Variants in SPEF2 observed in about 807,000 individuals in gnomAD.
The protein encoded by SPEF2 is sperm flagella and cilia-associated protein 2.
A neutral mutation model predicts 224.6 loss-of-function variants in SPEF2; 187 were observed. That is an observed-to-expected ratio of 0.83 (90% CI 0.74 to 0.94). The LOEUF (loss-of-function observed/expected upper bound fraction) is 0.94, where lower values mean the gene tolerates loss of function less well. Ranked by LOEUF, SPEF2 falls within the 40% of genes least tolerant of loss-of-function variation. The pLI, the probability that SPEF2 is intolerant of heterozygous loss-of-function variation, is 0.00. For synonymous variants in SPEF2, 715 were observed against 707.3 expected (o/e 1.01, Z -0.17); for missense variants, 2,170 against 2,135.6 (o/e 1.02, Z -0.32).
At chr5:35,737,806 T>G (rs1197650170) in intron 21 of SPEF2, among the ~76,000 whole-genome samples, 2 of 152,182 alleles carry the variant, frequency 1.3e-5, no homozygotes, top group African/African-American at 4.8e-5. Flanking sequence ...TCCACAATGG[T>G]TGAACTAGTT....
At chr5:35,672,133 C>T (rs1423877179) in intron 10 of SPEF2, among the ~76,000 whole-genome samples, 2 of 150,828 alleles carry the variant, frequency 1.3e-5, no homozygotes, top group South Asian at 4.3e-4. Flanking sequence ...CCTGGCTTAT[C>T]TAAAAGAAAC....
intron 30 of SPEF2, chr5:35,789,582 A>G (rs1461115825): frequency 1.5e-6 from 1 of 646,292 alleles, no homozygotes; most frequent in South Asian, 1.8e-5. Context: ...TTCTGCTGTG[A>G]GAAACATTGT....
intron 10 of SPEF2, among the ~76,000 whole-genome samples, chr5:35,681,223 C>G (rs1189434803): frequency 6.6e-6 from 1 of 152,072 alleles, no homozygotes; most frequent in Non-Finnish European, 1.5e-5. Context: ...TTAAGAACAG[C>G]AATTGTACAA....
At chr5:35,653,946 CAAAAA>C (rs67527515) in intron 6 of SPEF2, among the ~76,000 whole-genome samples, 3 of 87,986 alleles carry the variant, frequency 3.4e-5, no homozygotes, top group East Asian at 3.2e-4. Flanking sequence ...GACTCTGTCT[CAAAAA>C]AAAAAAAAAA....
intron 34 of SPEF2, among the ~76,000 whole-genome samples, chr5:35,802,215 G>T (rs576110813): frequency 6.6e-6 from 1 of 152,210 alleles, no homozygotes; most frequent in South Asian, 2.1e-4. Context: ...TCATCTCAAA[G>T]GATCCGAGGC....
At chr5:35,651,864 A>G (rs1748229563) in intron 6 of SPEF2, among the ~76,000 whole-genome samples, 2 of 152,192 alleles carry the variant, frequency 1.3e-5, no homozygotes, top group Non-Finnish European at 2.9e-5. Flanking sequence ...GCAATGCAAG[A>G]GCCCTCATGG....
At chr5:35,667,010 G>T in intron 8 of SPEF2, 62 bp from the exon 9 acceptor site, 1 of 1,453,274 alleles carries the variant, frequency 6.9e-7, no homozygotes, top group Non-Finnish European at 9.2e-7. Context: ...CCATTGAAAT[G>T]ATGACATTAT....
At chr5:35,699,009 A>C (rs1755741306) in intron 15 of SPEF2, 1 of 152,184 alleles carries the variant, frequency 6.6e-6, no homozygotes, top group African/African-American at 2.4e-5. Flanking sequence ...AACCAAAATG[A>C]AGTCTTTTCC....
chr5:35,693,882 A>G (rs2149539965), intron 12 of SPEF2, among the ~76,000 whole-genome samples: 1 of 152,358 alleles, frequency 6.6e-6, no homozygotes, highest in Non-Finnish European at 1.5e-5. Flanking sequence ...ATTTTAATCA[A>G]TAAAGTAATA....
intron 15 of SPEF2, chr5:35,699,684 T>A (rs1477718723): frequency 6.6e-6 from 1 of 152,152 alleles, no homozygotes; most frequent in Non-Finnish European, 1.5e-5. Context: ...TTTCAGTTCA[T>A]CCTCACAACT....
chr5:35,760,350 G>A (rs1267265641), intron 25 of SPEF2, among the ~76,000 whole-genome samples: 1 of 93,918 alleles, frequency 1.1e-5, no homozygotes, highest in Non-Finnish European at 2.3e-5. Flanking sequence ...GCGACAGAGG[G>A]AGACTCCGTC....
chr5:35,654,275 G>A (rs191012158), intron 6 of SPEF2, among the ~76,000 whole-genome samples: 1 of 151,704 alleles, frequency 6.6e-6, no homozygotes, highest in Non-Finnish European at 1.5e-5. Flanking sequence ...AAAAAAAAAG[G>A]TGAAAGAATA....
chr5:35,735,380 G>T (rs1364757963), intron 21 of SPEF2, among the ~76,000 whole-genome samples: 2 of 152,214 alleles, frequency 1.3e-5, no homozygotes, highest in Non-Finnish European at 2.9e-5. Context: ...AAGAAAGTTA[G>T]TGTGAATGTA....
intron 36 of SPEF2, chr5:35,808,239 C>T (rs1758300043): frequency 3.7e-6 from 3 of 815,152 alleles, no homozygotes; most frequent in Non-Finnish European, 4.4e-6. Flanking sequence ...ATTAGTATAA[C>T]TGAAGTTGAT....
chr5:35,794,736 G>A (rs1295050478), intron 32 of SPEF2, among the ~76,000 whole-genome samples: 1 of 152,200 alleles, frequency 6.6e-6, no homozygotes, highest in East Asian at 1.9e-4. Context: ...AACAAAGGGT[G>A]TTGGCAATTT....
At position 35,772,118 on chromosome 5, in the gene SPEF2, T is replaced by C. The variant is rs573552702; in HGVS notation, c.3949+362T>C. On this transcript the variant is annotated intron_variant, in intron 27 of 36. Transcript: ENST00000356031. Reference sequence around the variant, plus strand: ...AAAAGCTATGTTTTTAGAAGCTATGTGTATGTTTCAGGGGCAAGTCCTTTT... The same window carrying C: ...AAAAGCTATGTTTTTAGAAGCTATGCGTATGTTTCAGGGGCAAGTCCTTTT... Among the ~76,000 whole-genome samples the C allele has an allele frequency of 2.2e-4, 34 of 152,352 alleles. 1 individual carries two copies. The highest frequency in any genetic ancestry group is 8.2e-4 in the African/African-American group (34 of 41,580).
At chr5:35,739,253 A>G (rs948276996) in intron 21 of SPEF2, among the ~76,000 whole-genome samples, 6 of 152,220 alleles carry the variant, frequency 3.9e-5, no homozygotes, top group Non-Finnish European at 8.8e-5. Context: ...GAGTATAGAC[A>G]AGTAAATGAT....
At chr5:35,789,461 G>T (rs1397652548) in intron 30 of SPEF2, 1 of 670,142 alleles carries the variant, frequency 1.5e-6, no homozygotes, top group South Asian at 1.7e-5. Flanking sequence ...CATTTAATTT[G>T]TTAGTTGTTA....
rs1032165386 is a variant in SPEF2 at position 35,710,703 on chromosome 5, T to A, written c.2839+1582T>A. ...AGCTTGCTCCAGTCAAGAGTATCTA[T>A]GTATTTGAGCCATTTCCTGAAACCA... On this transcript the variant is annotated intron_variant, in intron 19 of 36. Transcript: ENST00000356031. The A allele has an allele frequency of 1.3e-5, 13 of 985,172 alleles. No homozygotes were observed. The African/African-American group carries it at 2.3e-4, about 17-fold the overall frequency. The allele number at this position is 985,172 out of a possible 1,614,324, so 61.0% of individuals were successfully genotyped here. A position where few individuals can be genotyped will look rare whatever the true frequency, so the allele number is the denominator to read the frequency against.
Sources: allele counts gnomAD v4.1 joint callset (sites outside exome capture counted in the v4.1 genomes callset), GRCh38; gene constraint gnomAD v4.1.1; transcripts MANE v1.5; gene names NCBI Gene and HGNC (gene_info 2026-07-23, HGNC 2026-07-21).